The following HIVEP2 variants were observed in gnomAD, a reference collection of about 807,000 sequenced individuals.
HIVEP2 encodes the protein HIVEP zinc finger 2, also known as transcription factor HIVEP2.
A neutral mutation model predicts 180.7 loss-of-function variants in HIVEP2; 14 were observed. The ratio of observed to expected loss-of-function variants is 0.08; its 90% CI spans 0.05 to 0.12. The LOEUF is 0.12. HIVEP2 is among the 10% of genes least tolerant of loss of function. The probability of loss-of-function intolerance (pLI) is 1.00; values close to 1 mark genes in which losing one functional copy is unlikely to be tolerated. For synonymous variants in HIVEP2, 1,184 were observed against 1,136.4 expected (o/e 1.04, Z -0.84); for missense variants, 2,579 against 3,008.5 (o/e 0.86, Z 3.34).
chr6:142,893,554 G>C (rs1776912343), intron 1 of HIVEP2, among the ~76,000 whole-genome samples: 1 of 152,144 alleles, frequency 6.6e-6, no homozygotes, highest in Admixed American at 6.5e-5. Flanking sequence ...CAAAGGTTTA[G>C]TATCTTGCCC....
intron 2 of HIVEP2, among the ~76,000 whole-genome samples, chr6:142,821,468 C>T (rs975325944): frequency 5.3e-5 from 8 of 152,190 alleles, no homozygotes; most frequent in African/African-American, 2.4e-5. Flanking sequence ...ACTTGCCAGA[C>T]ATACAAATAT....
In HIVEP2 at chr6:142,759,852, G is replaced by A. The variant is rs1775177124; in HGVS notation, c.6436C>T (p.Pro2146Ser). The change falls in exon 9 of 10, where the codon CCC becomes TCC. Residue 2146 changes from proline (P) to serine (S), a missense_variant. By Grantham distance (74) the Pro-to-Ser change is moderately conservative (BLOSUM62 -1). This residue lies in a region of HIVEP2 where 660 missense variants were observed against 731.7 expected (regional missense o/e 0.90). Transcript: ENST00000367603. The part of the protein sequence containing the change: ...RYMTTIRAPS[P>S]RRALYHNPPL... ...GGGTTATGGTATAAAGCCCTTCTGG[G>A]AGATGGCGCTCTTATTGTGGTCATG... 6.2e-7 allele frequency: 1 copy of A among 1,613,980 alleles called. No individual in the cohort carries two copies. Among genetic ancestry groups the A allele is most frequent in the Non-Finnish European group, 8.5e-7 (1 of 1,179,956 alleles).
intron 4 of HIVEP2, among the ~76,000 whole-genome samples, chr6:142,775,502 A>G (rs943388949): frequency 2.0e-5 from 3 of 152,174 alleles, no homozygotes; most frequent in African/African-American, 7.2e-5. Context: ...GCCAAAGTGT[A>G]TTACATATCT....
intron 2 of HIVEP2, among the ~76,000 whole-genome samples, chr6:142,801,187 G>T (rs12662762): frequency 0.04 from 3,739 of 92,468 alleles, 189 homozygotes; most frequent in East Asian, 0.27. Context: ...GCAGTGGCCA[G>T]TGTCAAAAAA....
chr6:142,868,917 G>A (rs1021094272), intron 1 of HIVEP2, among the ~76,000 whole-genome samples: 4 of 152,106 alleles, frequency 2.6e-5, no homozygotes, highest in Non-Finnish European at 4.4e-5. Context: ...CCTTTTTAGT[G>A]TAAGTCTGAA....
In HIVEP2 at chr6:142,943,113, A is replaced by T. The variant is rs572110000; in HGVS notation, c.-641+1986T>A. ...GTACTATGACTCCTTAGGGTTCCAC[A>T]GGGAATTTTCTCTTAATAATGAAAA... On this transcript the variant is annotated intron_variant, in intron 1 of 9. Transcript: ENST00000367603. The surrounding 1 kb of genome is among the most constrained non-coding windows in gnomAD (Gnocchi z 4.5). 5.3e-5 allele frequency among the ~76,000 whole-genome samples: 8 copies of T among 152,302 alleles called. No individual in the cohort carries two copies. In the East Asian group the frequency reaches 1.5e-3, roughly 29 times the overall value.
chr6:142,844,641 C>T (rs1403594588), intron 1 of HIVEP2, among the ~76,000 whole-genome samples: 4 of 152,094 alleles, frequency 2.6e-5, no homozygotes, highest in East Asian at 3.9e-4. Flanking sequence ...CAATGAATTA[C>T]GGCAAAACTG....
In HIVEP2 at chr6:142,771,295, C is replaced by T. The variant is rs34360302; in HGVS notation, c.3444G>A (p.Ser1148=). ...QVAGPCPPLS[S]GPLHLAQPQI... Reference sequence around the variant, plus strand: ...GTGGCTGGGCCAGGTGCAGTGGCCCCGAGCTCAGCGGGGGACAAGGACCCG... The same window carrying T: ...GTGGCTGGGCCAGGTGCAGTGGCCCTGAGCTCAGCGGGGGACAAGGACCCG... Residue 1148 remains serine, a synonymous_variant, in exon 5 of 10, where the codon TCG becomes TCA. Coordinates refer to ENST00000367603, the MANE Select transcript of HIVEP2 (RefSeq NM_006734.4). This position sits in a 1 kb window ranked among gnomAD's most constrained non-coding sequence, Gnocchi z 5.4. The T allele has an allele frequency of 1.7e-5, 27 of 1,613,408 alleles. No homozygotes were observed. Among genetic ancestry groups the T allele is most frequent in the African/African-American group, 1.2e-4 (9 of 74,906 alleles).
At chr6:142,835,460 A>G (rs1395354380) in intron 2 of HIVEP2, among the ~76,000 whole-genome samples, 2 of 152,108 alleles carry the variant, frequency 1.3e-5, no homozygotes, top group African/African-American at 2.4e-5. Flanking sequence ...TAGATGGAAA[A>G]TTAAATGTTG....
intron 2 of HIVEP2, among the ~76,000 whole-genome samples, chr6:142,793,653 TTTC>T (rs1483155693): frequency 0.019 from 1,202 of 63,218 alleles, 14 homozygotes; most frequent in African/African-American, 0.034. Flanking sequence ...TCTTTCTTTC[TTTC>T]TTTTTTCTTT....
chr6:142,860,382 G>C (rs1775943983), intron 1 of HIVEP2, among the ~76,000 whole-genome samples: 1 of 152,200 alleles, frequency 6.6e-6, no homozygotes, highest in South Asian at 2.1e-4. Flanking sequence ...TGGTTTCGTG[G>C]AAGACAATTT....
intron 1 of HIVEP2, among the ~76,000 whole-genome samples, chr6:142,859,619 A>G (rs536974134): frequency 2.0e-5 from 3 of 152,196 alleles, no homozygotes; most frequent in Admixed American, 6.5e-5. Flanking sequence ...GGATCATCTG[A>G]GGTCAGGAGC....
intron 5 of HIVEP2, 50 bp downstream of exon 5, chr6:142,769,502 C>T: frequency 1.3e-6 from 2 of 1,495,272 alleles, no homozygotes; most frequent in Non-Finnish European, 9.2e-7. Context: ...GTAGTCTGCT[C>T]AGCAATCAAA....
At chr6:142,777,165 C>T (rs759666359) in intron 3 of HIVEP2, among the ~76,000 whole-genome samples, 5 of 152,150 alleles carry the variant, frequency 3.3e-5, no homozygotes, top group Admixed American at 6.5e-5. Flanking sequence ...AATTCCACTG[C>T]TGGAAATATA....
At chr6:142,783,715 G>A (rs1481391968) in intron 2 of HIVEP2, 100 bp from the exon 3 acceptor site, 2 of 150,456 alleles carry the variant, frequency 1.3e-5, no homozygotes, top group African/African-American at 4.9e-5. Flanking sequence ...CTTCCTTTAG[G>A]AAAGAAAATT....
intron 2 of HIVEP2, among the ~76,000 whole-genome samples, chr6:142,831,938 T>C (rs979711555): frequency 1.3e-5 from 2 of 152,168 alleles, no homozygotes; most frequent in South Asian, 2.1e-4. Context: ...ACACCTATAA[T>C]CACAGCATTT....
intron 1 of HIVEP2, among the ~76,000 whole-genome samples, chr6:142,859,938 G>A (rs952929265): frequency 1.3e-5 from 2 of 151,838 alleles, no homozygotes; most frequent in African/African-American, 4.8e-5. Flanking sequence ...AAGAAGTTGA[G>A]GTAATATCCT....
intron 1 of HIVEP2, among the ~76,000 whole-genome samples, chr6:142,848,968 T>C (rs1775582385): frequency 6.6e-6 from 1 of 152,224 alleles, no homozygotes; most frequent in Non-Finnish European, 1.5e-5. Flanking sequence ...TCTGTAACAC[T>C]CTAAAAAGTA....
intron 4 of HIVEP2, 103 bp downstream of exon 4, chr6:142,776,044 T>G (rs1291515235): frequency 6.6e-6 from 1 of 152,220 alleles, no homozygotes; most frequent in Non-Finnish European, 1.5e-5. Context: ...TCACAGAACT[T>G]TGGAAAAGAT....
Sources: gnomAD v4.1 joint callset for allele counts (sites outside exome capture counted in the v4.1 genomes callset) on GRCh38, gnomAD v4.1.1 for gene constraint, gnomAD v4.1.1 regional missense constraint, Gnocchi (gnomAD v3.1) non-coding constraint, MANE v1.5 for transcripts, NCBI Gene and HGNC (gene_info 2026-07-23, HGNC 2026-07-21) for gene names.